Variants in CGB1 observed in about 807,000 individuals in gnomAD.
The protein encoded by CGB1 is choriogonadotropin subunit beta variant 1.
A neutral mutation model predicts 7.0 loss-of-function variants in CGB1; 4 were observed. The observed-to-expected ratio is 0.57, with a 90% confidence interval of 0.28 to 1.31. The LOEUF is 1.31. Among genes scored for constraint, CGB1 ranks in the 50% most tolerant of loss-of-function variants. The pLI is 0.10. For missense variants in CGB1, 139 were observed against 219.1 expected, an observed-to-expected ratio of 0.63 and a Z score of 2.31; for synonymous variants, 72 against 96.4, an observed-to-expected ratio of 0.75 and a Z score of 1.48.
At chr19:49,036,623 G>A (rs2039822788) in intron 1 of CGB1, 80 bp downstream of exon 1, 1 of 1,613,980 alleles carries the variant, frequency 6.2e-7, no homozygotes. Context: ...CCTGGAAGGA[G>A]GTGGAAGGTG....
chr19:49,036,369 C>G, intron 1 of CGB1, 66 bp from the exon 2 acceptor site: 6 of 1,601,846 alleles, frequency 3.7e-6, no homozygotes, highest in Non-Finnish European at 4.2e-6. Context: ...CTTCCCATCC[C>G]GCATGGTACA....
At position 49,036,750 on chromosome 19, in the gene CGB1, A is replaced by G. The variant is rs541595731; in HGVS notation, c.-39T>C. 3.0e-4 allele frequency: 488 copies of G among 1,613,402 alleles called. 1 individual carries two copies. The highest frequency in any genetic ancestry group is 1.5e-3 in the Middle Eastern group (9 of 6,054). On this transcript the variant is annotated 5_prime_UTR_variant, in exon 1 of 3. Coordinates refer to ENST00000301407, the MANE Select transcript of CGB1 (RefSeq NM_033377.2). ...CGGGATATCTTCCGCAAGCACTGGG[A>G]ATGTGGACATGGAAAGTAAATTGAG...
chr19:49,036,394 C>T (rs2039819035), intron 1 of CGB1, 91 bp from the exon 2 acceptor site: 3 of 1,601,064 alleles, frequency 1.9e-6, no homozygotes, highest in Non-Finnish European at 2.5e-6. Context: ...CCACAAAGAC[C>T]CAGAGACCCT....
intron 2 of CGB1, 39 bp downstream of exon 2, chr19:49,036,097 C>A (rs772631971): frequency 1.2e-6 from 2 of 1,604,740 alleles, no homozygotes; most frequent in South Asian, 2.2e-5. Flanking sequence ...GGGTCTGGCC[C>A]TGAGGTGGCA....
chr19:49,035,759 G>T lies in CGB1; in HGVS notation c.319C>A (p.Gln107Lys). The T allele has an allele frequency of 6.2e-7, 1 of 1,606,934 alleles. No individual in the cohort carries two copies. The highest frequency in any genetic ancestry group is 8.5e-7 in the Non-Finnish European group (1 of 1,178,146). ...GTGCTGCGGCGGCAGAGTGCACATT[G>T]ACAGCTGAGAGCCACGGCGTAGGAG... ...VVSYAVALSC[Q>K]CALCRRSTTD... Residue 107 changes from glutamine to lysine, a missense_variant, in exon 3 of 3, where the codon CAA becomes AAA. Gln to Lys is a moderately conservative substitution (Grantham distance 53, BLOSUM62 1). This residue lies in a region of CGB1 where 60 missense variants were observed against 105.8 expected (regional missense o/e 0.57). Transcript: ENST00000301407.
intron 1 of CGB1, 100 bp from the exon 2 acceptor site, chr19:49,036,403 C>T: frequency 6.3e-7 from 1 of 1,599,902 alleles, no homozygotes; most frequent in Non-Finnish European, 8.5e-7. Flanking sequence ...CCCAGAGACC[C>T]TTCCCGGCAT....
Position 49,036,175 on chromosome 19 carries a change from G to C in CGB1, c.138C>G (p.Thr46=), listed in dbSNP as rs765381688. The C allele has an allele frequency of 6.2e-7, 1 of 1,609,780 alleles. No individual in the cohort carries two copies. Among genetic ancestry groups the C allele is most frequent in the East Asian group, 2.2e-5 (1 of 44,868 alleles). Residue 46 remains threonine, a synonymous_variant, in exon 2 of 3, where the codon ACC becomes ACG. Transcript: ENST00000301407. ...AGCCGGCACAGATGGTGGTGTTGAC[G>C]GTGATGCACACGGGGCAGCCCTCCT... ...VEKEGCPVCI[T]VNTTICAGYC... is the part of the protein sequence containing the mutation.
At position 49,036,721 on chromosome 19, in the gene CGB1, T is replaced by G; in HGVS notation, c.-10A>C. Reference sequence around the variant, plus strand: ...ACCCTACCTTTGACATGTCTCTCTCTTAGCGGGATATCTTCCGCAAGCACT... The same window carrying G: ...ACCCTACCTTTGACATGTCTCTCTCGTAGCGGGATATCTTCCGCAAGCACT... On this transcript the variant is annotated 5_prime_UTR_variant, in exon 1 of 3. Transcript: ENST00000301407. 1 of 1,613,896 alleles carries G rather than the reference T, an allele frequency of 6.2e-7. No individual in the cohort carries two copies. Among genetic ancestry groups the G allele is most frequent in the Non-Finnish European group, 8.5e-7 (1 of 1,179,814 alleles).
intron 1 of CGB1, 197 bp downstream of exon 1, chr19:49,036,506 A>G (rs2039820782): frequency 4.4e-6 from 7 of 1,582,622 alleles, no homozygotes; most frequent in Non-Finnish European, 6.0e-6. Flanking sequence ...TCAGATCCGC[A>G]CCCTCAGGAA....
intron 1 of CGB1, 129 bp downstream of exon 1, chr19:49,036,574 C>T: frequency 1.9e-6 from 3 of 1,613,324 alleles, no homozygotes; most frequent in Admixed American, 1.7e-5. Flanking sequence ...CCTCCTTCCA[C>T]AGCTCACACG....
chr19:49,036,563 G>T (rs1568660097), intron 1 of CGB1, 140 bp downstream of exon 1: 1 of 1,612,376 alleles, frequency 6.2e-7, no homozygotes, highest in South Asian at 1.1e-5. Flanking sequence ...CCAGAAAGAG[G>T]CCTCCTTCCA....
At chr19:49,036,374 G>T in intron 1 of CGB1, 71 bp from the exon 2 acceptor site, 1 of 1,601,714 alleles carries the variant, frequency 6.2e-7, no homozygotes, top group Non-Finnish European at 8.5e-7. Flanking sequence ...CATCCCGCAT[G>T]GTACACCACC....
Position 49,035,570 on chromosome 19 carries a change from G to T in CGB1, c.*40C>A, listed in dbSNP as rs562568855. 1.0e-4 allele frequency: 162 copies of T among 1,612,056 alleles called. 2 individuals carry two copies. The South Asian group carries it at 1.4e-3, about 14-fold the overall frequency. On this transcript the variant is annotated 3_prime_UTR_variant, in exon 3 of 3. Transcript: ENST00000301407. Reference sequence around the variant, plus strand: ...GCCCACAGAAAGACACCTCCAGAGTGCGGATTGAGAAGCCTTTATTGTGGG... The same window carrying T: ...GCCCACAGAAAGACACCTCCAGAGTTCGGATTGAGAAGCCTTTATTGTGGG...
Position 49,036,834 on chromosome 19 carries a change from C to A in CGB1, c.-123G>T, listed in dbSNP as rs35533886. 1,054 of 1,438,068 alleles carry A rather than the reference C, an allele frequency of 7.3e-4. 11 individuals carry two copies. In the East Asian group the frequency reaches 0.022, roughly 30 times the overall value. The allele number at this position is 1,438,068 out of a possible 1,614,324, so 89.1% of individuals were successfully genotyped here. ...TGTTGGACGCGGCACGGGAACCTGG[C>A]CAGAGTCAGCGGACCCAATTGGCTG... On this transcript the variant is annotated 5_prime_UTR_variant, in exon 1 of 3. Coordinates refer to ENST00000301407, the MANE Select transcript of CGB1 (RefSeq NM_033377.2).
chr19:49,036,511 C>T (rs1400565392), intron 1 of CGB1, 192 bp downstream of exon 1: 12 of 1,590,432 alleles, frequency 7.5e-6, no homozygotes, highest in Admixed American at 1.7e-5. Context: ...TCCGCACCCT[C>T]AGGAACTGAC....
chr19:49,035,638 G>C lies in CGB1; in HGVS notation c.440C>G (p.Pro147Arg). 2 of 1,611,348 alleles carry C rather than the reference G, an allele frequency of 1.2e-6. No homozygotes were observed. Among genetic ancestry groups the C allele is most frequent in the Non-Finnish European group, 1.7e-6 (2 of 1,179,892 alleles). Residue 147 changes from proline to arginine, a missense_variant, in exon 3 of 3, where the codon CCA (proline) becomes CGA (arginine). Pro to Arg is a moderately radical substitution (Grantham distance 103, BLOSUM62 -2). Coordinates refer to ENST00000301407, the MANE Select transcript of CGB1 (RefSeq NM_033377.2). ...SSSKAPPPSL[P>R]SPSRLPGP ...GGGCCCCGGGAGACGGGATGGACTT[G>C]GAAGGCTGGGGGGAGGGGCCTTTGA...
Position 49,035,601 on chromosome 19 carries a change from C to T in CGB1, c.*9G>A, listed in dbSNP as rs1273850342. On this transcript the variant is annotated 3_prime_UTR_variant, in exon 3 of 3. Transcript: ENST00000301407. ...TGAGAAGCCTTTATTGTGGGAGGAT[C>T]GGGGTGTCCTAGGGCCCCGGGAGAC... 8 of 1,611,658 alleles carry T rather than the reference C, an allele frequency of 5.0e-6. No homozygotes were observed. In the East Asian group the frequency reaches 1.1e-4, roughly 22 times the overall value.
chr19:49,036,833 G>A lies in CGB1; in HGVS notation c.-122C>T, dbSNP rs900856459. The A allele has an allele frequency of 4.2e-6, 6 of 1,438,198 alleles. No homozygotes were observed. Among genetic ancestry groups the A allele is most frequent in the South Asian group, 2.3e-5 (2 of 86,492 alleles). 89.1% of individuals were successfully genotyped at this position (1,438,198 alleles called of 1,614,324 possible). A position where few individuals can be genotyped will look rare whatever the true frequency, so the allele number is the denominator to read the frequency against. On this transcript the variant is annotated 5_prime_UTR_variant, in exon 1 of 3. Transcript: ENST00000301407. Reference sequence around the variant, plus strand: ...GTGTTGGACGCGGCACGGGAACCTGGCCAGAGTCAGCGGACCCAATTGGCT... The same window carrying A: ...GTGTTGGACGCGGCACGGGAACCTGACCAGAGTCAGCGGACCCAATTGGCT...
chr19:49,036,380 C>G, intron 1 of CGB1, 77 bp from the exon 2 acceptor site: 3 of 1,601,578 alleles, frequency 1.9e-6, no homozygotes, highest in Non-Finnish European at 2.5e-6. Flanking sequence ...GCATGGTACA[C>G]CACCCACAAA....
Sources: allele counts gnomAD v4.1 joint callset, GRCh38; gene constraint gnomAD v4.1.1; regional missense constraint gnomAD v4.1.1; transcripts MANE v1.5; gene names NCBI Gene and HGNC (gene_info 2026-07-23, HGNC 2026-07-21).